The following THSD7B variants were observed in gnomAD, a reference collection of about 807,000 sequenced individuals.
THSD7B encodes the protein thrombospondin type 1 domain containing 7B, also known as thrombospondin type-1 domain-containing protein 7B.
In THSD7B, 138 loss-of-function variants were observed where a neutral mutation model predicts 213.6. The observed-to-expected ratio is 0.65, with a 90% CI of 0.56 to 0.74. The LOEUF (loss-of-function observed/expected upper bound fraction) is 0.74. Ranked by LOEUF, THSD7B falls within the 30% of genes least tolerant of loss-of-function variation. The probability of loss-of-function intolerance (pLI) is 0.00; values close to 1 mark genes in which losing one functional copy is unlikely to be tolerated. For missense variants in THSD7B, 1,931 were observed against 1,991.5 expected (o/e 0.97, Z 0.58); for synonymous variants, 742 against 687.0 (o/e 1.08, Z -1.25).
intron 7 of THSD7B, among the ~76,000 whole-genome samples, chr2:137,199,452 A>T (rs1680833940): frequency 6.6e-6 from 1 of 152,190 alleles, no homozygotes; most frequent in South Asian, 2.1e-4. Flanking sequence ...AATATTTTTA[A>T]AGTATTTCAT....
intron 12 of THSD7B, among the ~76,000 whole-genome samples, chr2:137,282,384 G>A (rs1449048372): frequency 2.6e-5 from 4 of 152,016 alleles, no homozygotes; most frequent in Admixed American, 1.3e-4. Flanking sequence ...AGTTTCTTTC[G>A]CTGTGCAGAA....
chr2:137,151,692 T>C (rs1679822485), intron 5 of THSD7B, among the ~76,000 whole-genome samples: 1 of 152,200 alleles, frequency 6.6e-6, no homozygotes, highest in South Asian at 2.1e-4. Flanking sequence ...TACAATTATT[T>C]ATTATCAAGT....
chr2:136,960,439 T>A (rs1470624148), intron 2 of THSD7B, among the ~76,000 whole-genome samples: 1 of 152,150 alleles, frequency 6.6e-6, no homozygotes, highest in Non-Finnish European at 1.5e-5. Flanking sequence ...GTGCTTGGCC[T>A]GGAATGGTCT....
chr2:137,616,380 G>C (rs781508612), intron 18 of THSD7B, 64 bp downstream of exon 18: 10 of 1,475,818 alleles, frequency 6.8e-6, no homozygotes, highest in Admixed American at 3.7e-5. Context: ...GAATTTTTGC[G>C]TGGGTTTTCA....
At position 137,383,708 on chromosome 2, in the gene THSD7B, G is replaced by A. The variant is rs538129598; in HGVS notation, c.2501-21905G>A. On this transcript the variant is annotated intron_variant, in intron 12 of 27. Transcript: ENST00000409968. ...TGCTAACACTGTACATATGGCTTGC[G>A]TCCATGGGTCATACCCAAGCACATG... is the stretch of plus-strand genomic sequence containing the variant. Among the ~76,000 whole-genome samples, 46 of 152,120 alleles carry A rather than the reference G, an allele frequency of 3.0e-4. No individual in the cohort carries two copies. In the South Asian group the frequency reaches 4.8e-3, roughly 16 times the overall value.
At chr2:137,642,164 C>A (rs979001148) in intron 20 of THSD7B, 2 of 211,736 alleles carry the variant, frequency 9.4e-6, no homozygotes, top group African/African-American at 4.7e-5. Context: ...CATGCTAGAG[C>A]TTAATAAATA....
intron 1 of THSD7B, among the ~76,000 whole-genome samples, chr2:136,853,910 A>G (rs146467444): frequency 2.6e-5 from 4 of 152,216 alleles, no homozygotes; most frequent in African/African-American, 9.6e-5. Context: ...GTGATGCCTA[A>G]ACTGTCCTAG....
chr2:137,442,931 A>AT (rs1687449398), intron 14 of THSD7B, among the ~76,000 whole-genome samples: 1 of 152,134 alleles, frequency 6.6e-6, no homozygotes, highest in Non-Finnish European at 1.5e-5. Flanking sequence ...ACTCGGTAAT[A>AT]TTGGGTTATT....
intron 2 of THSD7B, among the ~76,000 whole-genome samples, chr2:137,040,733 C>A (rs577186652): frequency 1.3e-5 from 2 of 152,162 alleles, no homozygotes; most frequent in South Asian, 2.1e-4. Context: ...AGATCTCACA[C>A]TCAGTGTACC....
chr2:137,572,671 A>T (rs1681380745), intron 17 of THSD7B, 115 bp downstream of exon 17: 6 of 1,242,524 alleles, frequency 4.8e-6, no homozygotes, highest in Non-Finnish European at 5.3e-6. Context: ...TGGGAAAATA[A>T]TTTTTTTCTT....
At chr2:137,207,321 A>T (rs1380537441) in intron 7 of THSD7B, among the ~76,000 whole-genome samples, 2 of 152,114 alleles carry the variant, frequency 1.3e-5, no homozygotes, top group Non-Finnish European at 2.9e-5. Context: ...CATTGCTCAG[A>T]TCTAGGTCTT....
At chr2:137,054,850 G>A (rs1301032975) in intron 2 of THSD7B, among the ~76,000 whole-genome samples, 1 of 151,838 alleles carries the variant, frequency 6.6e-6, no homozygotes, top group Non-Finnish European at 1.5e-5. Context: ...TGCCATGGTG[G>A]TTTGCTGCAC....
chr2:136,911,790 C>T (rs1337902044), intron 2 of THSD7B, among the ~76,000 whole-genome samples: 5 of 152,164 alleles, frequency 3.3e-5, no homozygotes, highest in Non-Finnish European at 5.9e-5. Context: ...TACAAGAGAG[C>T]GCTTTACAGC....
chr2:137,551,982 C>T (rs770181513), intron 15 of THSD7B, among the ~76,000 whole-genome samples: 5 of 152,112 alleles, frequency 3.3e-5, no homozygotes, highest in Non-Finnish European at 7.4e-5. Context: ...CAATAGTACA[C>T]GTGACAGGCA....
chr2:137,140,147 C>T (rs1482219655), intron 5 of THSD7B, among the ~76,000 whole-genome samples: 1 of 151,856 alleles, frequency 6.6e-6, no homozygotes, highest in Non-Finnish European at 1.5e-5. Context: ...TTAGTGCATA[C>T]ACACACACAC....
At chr2:137,339,094 A>T (rs1297129382) in intron 12 of THSD7B, among the ~76,000 whole-genome samples, 2 of 152,070 alleles carry the variant, frequency 1.3e-5, no homozygotes. Flanking sequence ...TTGAAGAATA[A>T]ATACATTTTT....
intron 12 of THSD7B, among the ~76,000 whole-genome samples, chr2:137,356,743 C>T (rs571937351): frequency 3.3e-5 from 5 of 152,148 alleles, no homozygotes; most frequent in Admixed American, 2.6e-4. Flanking sequence ...CAGCTCAGTT[C>T]AGCTTCCAGT....
intron 7 of THSD7B, among the ~76,000 whole-genome samples, chr2:137,225,398 CT>C (rs1447525075): frequency 8.5e-5 from 13 of 152,080 alleles, no homozygotes; most frequent in Non-Finnish European, 1.5e-5. Flanking sequence ...TGTAGAGTCC[CT>C]TATTTATGGT....
At chr2:137,363,234 G>A (rs1245950508) in intron 12 of THSD7B, among the ~76,000 whole-genome samples, 1 of 152,176 alleles carries the variant, frequency 6.6e-6, no homozygotes, top group Non-Finnish European at 1.5e-5. Flanking sequence ...CACAATTAAA[G>A]CAGTGTGTAG....
Sources: gnomAD v4.1 joint callset for allele counts (sites outside exome capture counted in the v4.1 genomes callset) on GRCh38, gnomAD v4.1.1 for gene constraint, MANE v1.5 for transcripts, NCBI Gene and HGNC (gene_info 2026-07-23, HGNC 2026-07-21) for gene names.